PRKCQ: variants seen among roughly 807,000 people sequenced by gnomAD.
PRKCQ encodes protein kinase C theta type.
PRKCQ carries 41 observed loss-of-function variants against 91.2 expected under a neutral mutation model. The observed-to-expected ratio is 0.45, with a 90% CI of 0.35 to 0.58. PRKCQ has a LOEUF of 0.58. Among genes scored for constraint, PRKCQ ranks in the 20% least tolerant of loss-of-function variants. The pLI is 0.00. For missense variants in PRKCQ, 673 were observed against 896.5 expected (o/e 0.75, Z 3.18); for synonymous variants, 307 against 316.9 (o/e 0.97, Z 0.33).
intron 1 of PRKCQ, among the ~76,000 whole-genome samples, chr10:6,564,766 A>T (rs1840776416): frequency 6.6e-6 from 1 of 152,240 alleles, no homozygotes; most frequent in Admixed American, 6.5e-5. Flanking sequence ...AGTTTGTTCC[A>T]TAGCAATTGA....
rs1305986508 is a variant in PRKCQ, at chr10:6,479,049, A to G, written c.1296T>C (p.Leu432=). 1 of 1,614,132 alleles carries G rather than the reference A, an allele frequency of 6.2e-7. No homozygotes were observed. Among genetic ancestry groups the G allele is most frequent in the Non-Finnish European group, 8.5e-7 (1 of 1,180,052 alleles). The change falls in exon 12 of 18, where the codon CTT becomes CTC. Residue 432 remains leucine (L), a synonymous_variant. Transcript: ENST00000263125. ...GAAACGGATGCTCCCAGGCCAAGGA[A>G]AGAACTCTCTTCTCTACCATCGTGC... ...VECTMVEKRV[L]SLAWEHPFLT...
the PRKCQ span, among the ~76,000 whole-genome samples, chr10:6,418,103 T>C: frequency 1.3e-5 from 2 of 152,076 alleles, no homozygotes; most frequent in Non-Finnish European, 2.9e-5. Context: ...GCAAGAGTTC[T>C]AACTGACTTT....
chr10:6,417,326 G>A, the PRKCQ span, among the ~76,000 whole-genome samples: 2 of 152,264 alleles, frequency 1.3e-5, no homozygotes, highest in East Asian at 3.9e-4. Flanking sequence ...TTTCAGATTT[G>A]TGTCTTTGGT....
At chr10:6,411,221 T>G in the PRKCQ span, among the ~76,000 whole-genome samples, 1 of 152,178 alleles carries the variant, frequency 6.6e-6, no homozygotes, top group Non-Finnish European at 1.5e-5. Flanking sequence ...TATCAGTTAG[T>G]GAGGACAATC....
chr10:6,554,844 T>A (rs1437722605), intron 1 of PRKCQ, among the ~76,000 whole-genome samples: 1 of 152,092 alleles, frequency 6.6e-6, no homozygotes, highest in East Asian at 1.9e-4. Context: ...CACACGCATA[T>A]CTATGTTCGT....
chr10:6,533,331 G>A (rs1043836158), intron 1 of PRKCQ, among the ~76,000 whole-genome samples: 6 of 152,140 alleles, frequency 3.9e-5, no homozygotes, highest in Non-Finnish European at 8.8e-5. Flanking sequence ...CCGAGTAGCT[G>A]GGATTACAGG....
At chr10:6,479,437 T>C (rs561884709) in intron 11 of PRKCQ, among the ~76,000 whole-genome samples, 216 of 152,296 alleles carry the variant, frequency 1.4e-3, no homozygotes, top group Non-Finnish European at 2.7e-3. Context: ...GTGCCCTGCC[T>C]GCTCAGGGAT....
chr10:6,484,552 T>C (rs931638466), intron 10 of PRKCQ, among the ~76,000 whole-genome samples: 2 of 152,184 alleles, frequency 1.3e-5, no homozygotes, highest in Non-Finnish European at 2.9e-5. Flanking sequence ...AGAGAAAACA[T>C]AAGAGAAATT....
At chr10:6,444,198 G>A (rs1334208673) in intron 15 of PRKCQ, among the ~76,000 whole-genome samples, 1 of 152,138 alleles carries the variant, frequency 6.6e-6, no homozygotes, top group Non-Finnish European at 1.5e-5. Flanking sequence ...AGCCTCCCGA[G>A]TAGCTGGGAT....
At position 6,427,711 on chromosome 10, in the gene PRKCQ, C is replaced by G. The variant is rs2453; in HGVS notation, c.*496G>C. On this transcript the variant is annotated 3_prime_UTR_variant, in exon 18 of 18. Transcript: ENST00000263125. ...CCAGGGCTGGCCCCCCAGCCATTTA[C>G]ACATCCACAGATAGGAATAGAATAA... 1 of 154,994 alleles carries G rather than the reference C, an allele frequency of 6.5e-6. No homozygotes were observed. 9.6% of individuals were successfully genotyped at this position (154,994 alleles called of 1,614,324 possible). A position where few individuals can be genotyped will look rare whatever the true frequency, so the allele number is the denominator to read the frequency against.
chr10:6,567,915 C>T (rs1840890489), intron 1 of PRKCQ, among the ~76,000 whole-genome samples: 1 of 152,012 alleles, frequency 6.6e-6, no homozygotes, highest in Non-Finnish European at 1.5e-5. Flanking sequence ...ACCTTTCTTA[C>T]TCGTATCTAT....
intron 14 of PRKCQ, among the ~76,000 whole-genome samples, chr10:6,461,371 A>C (rs1835340744): frequency 6.6e-6 from 1 of 152,250 alleles, no homozygotes; most frequent in Non-Finnish European, 1.5e-5. Flanking sequence ...TACACATATA[A>C]AGAAAAATTT....
At chr10:6,404,391 TTTTC>T in the PRKCQ span, among the ~76,000 whole-genome samples, 1 of 58,066 alleles carries the variant, frequency 1.7e-5, no homozygotes, top group Non-Finnish European at 4.8e-5. Context: ...TCGTTCTTTC[TTTTC>T]TTTCTTTCCT....
At chr10:6,556,433 GGA>G (rs150644644) in intron 1 of PRKCQ, among the ~76,000 whole-genome samples, 55,863 of 93,276 alleles carry the variant, frequency 0.6, 15,221 homozygotes, top group Admixed American at 0.69. Context: ...CCCTGTCTTG[GGA>G]AAAAAAAAAA....
At chr10:6,570,083 A>G (rs1840982784) in intron 1 of PRKCQ, among the ~76,000 whole-genome samples, 1 of 152,172 alleles carries the variant, frequency 6.6e-6, no homozygotes, top group African/African-American at 2.4e-5. Flanking sequence ...CAGGGGGGTC[A>G]TGGGAGACAC....
chr10:6,436,908 C>T (rs566154613), intron 16 of PRKCQ, among the ~76,000 whole-genome samples: 80 of 152,328 alleles, frequency 5.3e-4, no homozygotes, highest in South Asian at 1.0e-3. Context: ...CTTCACTCTC[C>T]GTCCTGGCCT....
intron 4 of PRKCQ, among the ~76,000 whole-genome samples, chr10:6,505,429 CTTTCTTCCTTCCTTCT>C (rs1193077639): frequency 6.6e-6 from 1 of 151,296 alleles, no homozygotes; most frequent in Non-Finnish European, 1.5e-5. Flanking sequence ...TCCTTCCTTC[CTTTCTTCCTTCCTTCT>C]TTCTTTCTTT....
At chr10:6,482,314 T>A (rs1836646724) in intron 11 of PRKCQ, among the ~76,000 whole-genome samples, 1 of 152,126 alleles carries the variant, frequency 6.6e-6, no homozygotes, top group African/African-American at 2.4e-5. Flanking sequence ...AAGAGAAAAT[T>A]TAAGCAGAGT....
chr10:6,513,278 CAG>C (rs1838578002), intron 2 of PRKCQ, among the ~76,000 whole-genome samples: 1 of 152,096 alleles, frequency 6.6e-6, no homozygotes. Flanking sequence ...TGATAATATT[CAG>C]AGTGATTTCT....
Sources: gnomAD v4.1 joint callset for allele counts (sites outside exome capture counted in the v4.1 genomes callset) on GRCh38, gnomAD v4.1.1 for gene constraint, MANE v1.5 for transcripts, NCBI Gene and HGNC (gene_info 2026-07-23, HGNC 2026-07-21) for gene names.